The following NSD3 variants were observed in gnomAD, a reference collection of about 807,000 sequenced individuals.
NSD3 encodes histone-lysine N-methyltransferase NSD3.
NSD3 carries 24 observed loss-of-function variants against 160.8 expected under a neutral mutation model. That is an observed-to-expected ratio of 0.15 (90% CI 0.11 to 0.21). The LOEUF (loss-of-function observed/expected upper bound fraction) is 0.21. Among genes scored for constraint, NSD3 ranks in the 10% least tolerant of loss-of-function variants. The pLI is 1.00. For synonymous variants in NSD3, 520 were observed against 600.0 expected (o/e 0.87, Z 1.95); for missense variants, 1,157 against 1,735.9 (o/e 0.67, Z 5.93).
At chr8:38,342,920 C>G in intron 2 of NSD3, among the ~76,000 whole-genome samples, 1 of 151,436 alleles carries the variant, frequency 6.6e-6, no homozygotes, top group East Asian at 2.0e-4. Context: ...GGCCAGGTGC[C>G]GTGGCTCACG....
rs1263492825 is a variant in NSD3 at position 38,270,803 on chromosome 8, G to T, written c.*4838C>A. On this transcript the variant is annotated 3_prime_UTR_variant, in exon 24 of 24. Coordinates refer to ENST00000317025, the MANE Select transcript of NSD3 (RefSeq NM_023034.2). ...TTCTATTTTCCCTTTTTACTTACAT[G>T]TAAATTACTTTTACAGCCTACTGAA... 6.6e-6 allele frequency: 1 copy of T among 152,130 alleles called. No individual in the cohort carries two copies. Among genetic ancestry groups the T allele is most frequent in the African/African-American group, 2.4e-5 (1 of 41,414 alleles). The allele number at this position is 152,130 out of a possible 1,614,324, so 9.4% of individuals were successfully genotyped here. A position where few individuals can be genotyped will look rare whatever the true frequency, so the allele number is the denominator to read the frequency against.
chr8:38,363,639 C>CA (rs768805402), intron 1 of NSD3, among the ~76,000 whole-genome samples: 4,879 of 44,542 alleles, frequency 0.11, 160 homozygotes, highest in South Asian at 0.13. Flanking sequence ...GACTCCGTCT[C>CA]AAAAAAAAAA....
intron 20 of NSD3, 104 bp downstream of exon 20, chr8:38,281,363 G>C (rs1808728631): frequency 7.2e-6 from 4 of 552,706 alleles, no homozygotes; most frequent in African/African-American, 5.7e-5. Flanking sequence ...ATTATGCTCT[G>C]CCTGAAGAAA....
Position 38,321,242 on chromosome 8 carries a change from A to G in NSD3, c.1709-70T>C. ...ACCTTGACATCTATGTAATTAAGAT[A>G]TGACCACATTCCTTGCTTTTCTTAC... On this transcript the variant is annotated intron_variant, in intron 7 of 23. Coordinates refer to ENST00000317025, the MANE Select transcript of NSD3 (RefSeq NM_023034.2). This position sits in a 1 kb window ranked among gnomAD's most constrained non-coding sequence, Gnocchi z 4.7. The G allele has an allele frequency of 7.9e-7, 1 of 1,272,434 alleles. No individual in the cohort carries two copies. Among genetic ancestry groups the G allele is most frequent in the South Asian group, 1.4e-5 (1 of 71,446 alleles). 78.8% of individuals were successfully genotyped at this position (1,272,434 alleles called of 1,614,324 possible).
intron 1 of NSD3, among the ~76,000 whole-genome samples, chr8:38,365,662 G>A (rs972051457): frequency 1.7e-4 from 26 of 152,012 alleles, no homozygotes; most frequent in African/African-American, 5.3e-4. Flanking sequence ...TAGTAGAGAC[G>A]GGGTTTCCGC....
chr8:38,272,991 A>G lies in NSD3; in HGVS notation c.*2650T>C, dbSNP rs1335769478. On this transcript the variant is annotated 3_prime_UTR_variant, in exon 24 of 24. Coordinates refer to ENST00000317025, the MANE Select transcript of NSD3 (RefSeq NM_023034.2). ...CAGCATGACTAAAACCGCTTTTTAG[A>G]CCATTAAAGAACATTCATGGCCAAA... The G allele has an allele frequency of 6.6e-6, 1 of 152,188 alleles. No individual in the cohort carries two copies. The highest frequency in any genetic ancestry group is 6.5e-5 in the Admixed American group (1 of 15,280). The allele number at this position is 152,188 out of a possible 1,614,324, so 9.4% of individuals were successfully genotyped here.
chr8:38,315,543 A>G lies in NSD3; in HGVS notation c.1988T>C (p.Val663Ala). The change falls in exon 11 of 24, where the codon GTA becomes GCA. Residue 663 changes from valine to alanine, a missense_variant and splice_region_variant. Val to Ala is a moderately conservative substitution (Grantham distance 64, BLOSUM62 0). This residue lies in a region of NSD3 where 437 missense variants were observed against 576.6 expected (regional missense o/e 0.76). Transcript: ENST00000317025. ...GCTATCTACTTGCTTTCCAAAGCCT[A>G]CCTACATAGAAAACATAGCATTTTT... ...SDSRGLSDLQ[V>A]GFGKQVDSPS... The G allele has an allele frequency of 6.2e-7, 1 of 1,613,150 alleles. No individual in the cohort carries two copies. The highest frequency in any genetic ancestry group is 2.2e-5 in the East Asian group (1 of 44,842).
chr8:38,281,393 G>A (rs534000742), intron 20 of NSD3, 74 bp downstream of exon 20: 32 of 738,880 alleles, frequency 4.3e-5, no homozygotes, highest in Admixed American at 3.4e-5. Context: ...AAAAGAAACT[G>A]AGTTCAAATT....
In NSD3 at chr8:38,310,997, C is replaced by CT. The variant is rs375699049; in HGVS notation, c.2242+3649dup. Among the ~76,000 whole-genome samples the CT allele has an allele frequency of 4.8e-4, 69 of 145,154 alleles. 1 individual carries two copies. The South Asian group carries it at 7.7e-3, about 16-fold the overall frequency. Reference sequence around the variant, plus strand: ...AAGCCAACATGTTGTTTTCTTTTTTCTTTTTTTTTTGATACTATTCATTCT... The same window carrying CT: ...AAGCCAACATGTTGTTTTCTTTTTTCTTTTTTTTTTTGATACTATTCATTCT... On this transcript the variant is annotated intron_variant, in intron 12 of 23. Transcript: ENST00000317025.
intron 2 of NSD3, among the ~76,000 whole-genome samples, chr8:38,345,641 T>G (rs1056240959): frequency 1.7e-4 from 26 of 151,870 alleles, no homozygotes; most frequent in Non-Finnish European, 3.2e-4. Context: ...CCAGGCGCAG[T>G]GGCTCACGCC....
intron 1 of NSD3, among the ~76,000 whole-genome samples, chr8:38,357,313 T>C (rs1025472227): frequency 2.6e-5 from 4 of 151,912 alleles, no homozygotes; most frequent in African/African-American, 9.7e-5. Context: ...CCTTCAATGG[T>C]TTCCCATTGC....
chr8:38,309,329 G>GT (rs1563350046), intron 12 of NSD3, among the ~76,000 whole-genome samples: 1 of 152,048 alleles, frequency 6.6e-6, no homozygotes, highest in Non-Finnish European at 1.5e-5. Flanking sequence ...TTAGTCGGGC[G>GT]TGGTGGTGTG....
At chr8:38,362,136 A>C (rs1223679605) in intron 1 of NSD3, among the ~76,000 whole-genome samples, 1 of 151,938 alleles carries the variant, frequency 6.6e-6, no homozygotes, top group Non-Finnish European at 1.5e-5. Context: ...GAATATGGAC[A>C]GACTGAAAGT....
intron 19 of NSD3, among the ~76,000 whole-genome samples, chr8:38,285,855 G>A (rs1207275668): frequency 1.3e-5 from 2 of 152,064 alleles, no homozygotes; most frequent in Admixed American, 1.3e-4. Context: ...CTTCCCTCCT[G>A]GCTCAACTAC....
Position 38,318,142 on chromosome 8 carries a change from G to T in NSD3, c.1855+753C>A. On this transcript the variant is annotated intron_variant, in intron 9 of 23. Coordinates refer to ENST00000317025, the MANE Select transcript of NSD3 (RefSeq NM_023034.2). The surrounding 1 kb of genome is among the most constrained non-coding windows in gnomAD (Gnocchi z 5.3). Reference sequence around the variant, plus strand: ...CAAGCAGTGTTCCCTCCGAGAGGCTGTTCAGTTCTGCTGAGGATCTCCACG... The same window carrying T: ...CAAGCAGTGTTCCCTCCGAGAGGCTTTTCAGTTCTGCTGAGGATCTCCACG... 1 of 1,360,024 alleles carries T rather than the reference G, an allele frequency of 7.4e-7. No individual in the cohort carries two copies. The highest frequency in any genetic ancestry group is 1.0e-6 in the Non-Finnish European group (1 of 983,808). 84.2% of individuals were successfully genotyped at this position (1,360,024 alleles called of 1,614,324 possible). A position where few individuals can be genotyped will look rare whatever the true frequency, so the allele number is the denominator to read the frequency against.
intron 16 of NSD3, among the ~76,000 whole-genome samples, chr8:38,295,428 G>A (rs1809111920): frequency 6.6e-6 from 1 of 152,030 alleles, no homozygotes; most frequent in South Asian, 2.1e-4. Flanking sequence ...CAGGGGTGGT[G>A]GTGTGAACCT....
At chr8:38,374,006 T>A (rs1811325788) in intron 1 of NSD3, among the ~76,000 whole-genome samples, 1 of 142,816 alleles carries the variant, frequency 7.0e-6, no homozygotes, top group African/African-American at 2.6e-5. Context: ...TCCCAGCTAC[T>A]CAGGAGGCTG....
intron 1 of NSD3, among the ~76,000 whole-genome samples, chr8:38,349,908 T>A (rs1004498507): frequency 2.6e-5 from 4 of 151,610 alleles, no homozygotes; most frequent in African/African-American, 9.7e-5. Flanking sequence ...ACTGTTCAAT[T>A]CCCACCTATG....
At chr8:38,349,661 TTC>T (rs1286690993) in intron 1 of NSD3, among the ~76,000 whole-genome samples, 17 of 92,466 alleles carry the variant, frequency 1.8e-4, no homozygotes, top group African/African-American at 3.7e-5. Context: ...TGTAATTTCT[TTC>T]TTTATATATA....
Sources: gnomAD v4.1 joint callset for allele counts (sites outside exome capture counted in the v4.1 genomes callset) on GRCh38, gnomAD v4.1.1 for gene constraint, gnomAD v4.1.1 regional missense constraint, Gnocchi (gnomAD v3.1) non-coding constraint, MANE v1.5 for transcripts, NCBI Gene and HGNC (gene_info 2026-07-23, HGNC 2026-07-21) for gene names.